Variants in EXOC1L observed in about 807,000 individuals in gnomAD.
EXOC1L encodes exocyst complex component 1-like.
EXOC1L carries 10 observed loss-of-function variants against 4.9 expected under a neutral mutation model. The observed-to-expected ratio is 2.02, with a 90% CI of 1.25 to 3.43. The LOEUF is 3.43. Among genes scored for constraint, EXOC1L ranks in the 30% most tolerant of loss-of-function variants. The pLI, the probability that EXOC1L is intolerant of heterozygous loss-of-function variation, is 0.00. For synonymous variants in EXOC1L, 41 were observed against 20.8 expected (o/e 1.97, Z -2.63); for missense variants, 114 against 59.4 (o/e 1.92, Z -3.02).
chr4:55,827,387 G>A (rs1002946926), intron 1 of EXOC1L, among the ~76,000 whole-genome samples: 1 of 152,146 alleles, frequency 6.6e-6, no homozygotes, highest in Admixed American at 6.5e-5. Flanking sequence ...CTTGGATGAA[G>A]ACATCCTTCC....
intron 1 of EXOC1L, among the ~76,000 whole-genome samples, chr4:55,821,397 A>G (rs1458707620): frequency 6.6e-6 from 1 of 152,068 alleles, no homozygotes; most frequent in Admixed American, 6.5e-5. Flanking sequence ...CCATCAAATC[A>G]CTGTGTCTTA....
intron 1 of EXOC1L, among the ~76,000 whole-genome samples, chr4:55,826,929 G>C (rs1318282442): frequency 1.3e-5 from 2 of 152,192 alleles, no homozygotes; most frequent in African/African-American, 4.8e-5. Context: ...GACCATTAAT[G>C]TAAGAAAATG....
chr4:55,832,579 A>G (rs1720063565), intron 2 of EXOC1L, among the ~76,000 whole-genome samples: 1 of 152,030 alleles, frequency 6.6e-6, no homozygotes, highest in African/African-American at 2.4e-5. Context: ...AACAATATTC[A>G]GTAAACTCTT....
intron 2 of EXOC1L, 29 bp downstream of exon 2, chr4:55,831,493 G>T: frequency 1.5e-6 from 1 of 662,390 alleles, no homozygotes; most frequent in Admixed American, 2.4e-5. Context: ...AAGGAGATGT[G>T]GAATCAATAT....
At chr4:55,831,721 C>A (rs971394235) in intron 2 of EXOC1L, among the ~76,000 whole-genome samples, 1 of 151,966 alleles carries the variant, frequency 6.6e-6, no homozygotes. Flanking sequence ...CACAATCTAC[C>A]AGTCAATCCT....
At chr4:55,833,578 C>G (rs1401846523) in intron 2 of EXOC1L, among the ~76,000 whole-genome samples, 1 of 151,616 alleles carries the variant, frequency 6.6e-6, no homozygotes, top group African/African-American at 2.4e-5. Context: ...AGGAACTAGC[C>G]CCACAAATTA....
At position 55,827,155 on chromosome 4, in the gene EXOC1L, C is replaced by T. The variant is rs144734303; in HGVS notation, c.122-4179C>T. On this transcript the variant is annotated intron_variant, in intron 1 of 2. Transcript: ENST00000636125. The stretch of plus-strand genomic sequence containing the variant: ...ATCTTCTCAGCCTGGTATTCTAGAC[C>T]CCTCAGGAACTAGTCTTGCCTAACT... Among the ~76,000 whole-genome samples the T allele has an allele frequency of 2.8e-3, 421 of 152,218 alleles. 2 individuals are homozygous for T. The highest frequency in any genetic ancestry group is 9.6e-3 in the African/African-American group (397 of 41,530).
At chr4:55,837,064 A>T (rs1366628321) in intron 2 of EXOC1L, 21 bp from the exon 3 acceptor site, 3 of 666,504 alleles carry the variant, frequency 4.5e-6, no homozygotes, top group Non-Finnish European at 8.2e-6. Context: ...CAACTAAATC[A>T]TGTCTCTCAT....
Position 55,837,244 on chromosome 4 carries a change from G to A in EXOC1L, c.412G>A (p.Asp138Asn), listed in dbSNP as rs150640619. 13 of 701,404 alleles carry A rather than the reference G, an allele frequency of 1.9e-5. No homozygotes were observed. The highest frequency in any genetic ancestry group is 5.9e-5 in the South Asian group (4 of 67,436). 43.4% of individuals were successfully genotyped at this position (701,404 alleles called of 1,614,324 possible). ...IVNFDSTYIN[D>N]DSIWSSNNKD... The stretch of plus-strand genomic sequence containing the variant: ...GAACTTTGATTCTACATACATTAAC[G>A]ATGATTCCATTTGGTCCTCCAACAA... Residue 138 changes from aspartate to asparagine, a missense_variant, in exon 3 of 3, where the codon GAT (aspartate) becomes AAT (asparagine). Physicochemically the swap from Asp to Asn is conservative, Grantham distance 23 (BLOSUM62 1). Transcript: ENST00000636125.
At chr4:55,820,331 T>A (rs79532538) in intron 1 of EXOC1L, among the ~76,000 whole-genome samples, 184 bp downstream of exon 1, 9,566 of 152,146 alleles carry the variant, frequency 0.063, 371 homozygotes, top group Non-Finnish European at 0.077. Context: ...GTGTTAAAAA[T>A]GAAAGAAAAA....
intron 2 of EXOC1L, among the ~76,000 whole-genome samples, chr4:55,833,520 A>G (rs1355148622): frequency 1.3e-5 from 2 of 151,860 alleles, no homozygotes; most frequent in African/African-American, 4.8e-5. Context: ...ATAATACTGC[A>G]TTTAATTTGA....
intron 1 of EXOC1L, among the ~76,000 whole-genome samples, chr4:55,824,187 T>G (rs1577663225): frequency 1.3e-5 from 2 of 151,948 alleles, no homozygotes; most frequent in Non-Finnish European, 2.9e-5. Context: ...AAATTCTTGC[T>G]CTTTGTCTTC....
At chr4:55,822,720 A>G (rs1002860412) in intron 1 of EXOC1L, among the ~76,000 whole-genome samples, 2 of 152,202 alleles carry the variant, frequency 1.3e-5, no homozygotes, top group African/African-American at 4.8e-5. Context: ...GGGCGAGATA[A>G]GTAGGCTCTT....
chr4:55,820,282 G>A (rs1719706051), intron 1 of EXOC1L, 135 bp downstream of exon 1: 1 of 387,780 alleles, frequency 2.6e-6, no homozygotes, highest in Non-Finnish European at 4.5e-6. Context: ...ACTTAACTAT[G>A]CCAGGTTTAA....
chr4:55,827,238 A>G (rs1187792425), intron 1 of EXOC1L, among the ~76,000 whole-genome samples: 1 of 152,160 alleles, frequency 6.6e-6, no homozygotes, highest in African/African-American at 2.4e-5. Context: ...GATGCTTTTA[A>G]TGACTTAAAA....
intron 1 of EXOC1L, among the ~76,000 whole-genome samples, chr4:55,829,435 A>G (rs6829011): frequency 0.04 from 6,089 of 152,226 alleles, 174 homozygotes; most frequent in Admixed American, 0.083. Flanking sequence ...GCCAGAACTC[A>G]TTAAGCTGCA....
intron 1 of EXOC1L, among the ~76,000 whole-genome samples, chr4:55,825,235 G>A (rs1719850347): frequency 6.6e-6 from 1 of 152,130 alleles, no homozygotes. Context: ...GTCACAAGAA[G>A]TTAAGTACCT....
At chr4:55,829,426 C>T (rs1340423459) in intron 1 of EXOC1L, among the ~76,000 whole-genome samples, 1 of 152,136 alleles carries the variant, frequency 6.6e-6, no homozygotes, top group Non-Finnish European at 1.5e-5. Flanking sequence ...ATGTCCAGTG[C>T]CAGAACTCAT....
At chr4:55,821,960 A>G (rs1457366910) in intron 1 of EXOC1L, among the ~76,000 whole-genome samples, 3 of 152,224 alleles carry the variant, frequency 2.0e-5, no homozygotes, top group African/African-American at 7.2e-5. Context: ...GGCTTTGACC[A>G]TGCTTGACTC....
Sources: gnomAD v4.1 joint callset for allele counts (sites outside exome capture counted in the v4.1 genomes callset) on GRCh38, gnomAD v4.1.1 for gene constraint, MANE v1.5 for transcripts, NCBI Gene and HGNC (gene_info 2026-07-23, HGNC 2026-07-21) for gene names.